Variants in SEMA4F observed in about 807,000 individuals in gnomAD.
SEMA4F encodes ssemaphorin 4F, also known as semaphorin-4F.
In SEMA4F, 51 loss-of-function variants were observed where a neutral mutation model predicts 78.4. That is an observed-to-expected ratio of 0.65 (90% CI 0.52 to 0.82). SEMA4F has a LOEUF of 0.82. Among genes scored for constraint, SEMA4F ranks in the 40% least tolerant of loss-of-function variants. The pLI, the probability that SEMA4F is intolerant of heterozygous loss-of-function variation, is 0.00. For synonymous variants in SEMA4F, 418 were observed against 408.7 expected (o/e 1.02, Z -0.27); for missense variants, 938 against 1,014.4 (o/e 0.92, Z 1.02).
intron 5 of SEMA4F, 100 bp downstream of exon 5, chr2:74,662,925 T>A: frequency 1.9e-6 from 2 of 1,059,024 alleles, no homozygotes; most frequent in South Asian, 1.3e-5. Context: ...TTGGAATGTC[T>A]ATTATTCTCA....
At chr2:74,684,044 A>C (rs527553405), downstream of SEMA4F, among the ~76,000 whole-genome samples, 1 of 151,868 alleles carries the variant, frequency 6.6e-6, no homozygotes, top group Admixed American at 6.6e-5. Context: ...TGCAGGAGTC[A>C]TCCCCCTAAT....
chr2:74,656,717 C>T (rs1397163314), intron 2 of SEMA4F, 32 bp downstream of exon 2: 2 of 1,608,034 alleles, frequency 1.2e-6, no homozygotes, highest in African/African-American at 1.3e-5. Context: ...GACCCCTGAC[C>T]CTGTAGCATG....
chr2:74,686,256 C>A (rs554151627), downstream of SEMA4F, among the ~76,000 whole-genome samples: 4 of 152,092 alleles, frequency 2.6e-5, no homozygotes, highest in African/African-American at 4.8e-5. Flanking sequence ...CCTACCACCA[C>A]GCCCGGCTAA....
At chr2:74,700,749 A>G in the SEMA4F span, among the ~76,000 whole-genome samples, 1 of 152,222 alleles carries the variant, frequency 6.6e-6, no homozygotes, top group Non-Finnish European at 1.5e-5. Flanking sequence ...CACTGGTTCC[A>G]GAGACCATGT....
Position 74,680,020 on chromosome 2 carries a change from G to A in SEMA4F, c.2124G>A (p.Gly708=), listed in dbSNP as rs748549658. The change falls in exon 14 of 14, where the codon GGG becomes GGA. Residue 708 remains glycine (G), a synonymous_variant. Coordinates refer to ENST00000357877, the MANE Select transcript of SEMA4F (RefSeq NM_004263.5). ...VGLDLGAPPS[G]TTSYSQDPPS... ...TGGACCTGGGGGCTCCACCTTCTGG[G>A]ACCACAAGCTACAGCCAAGACCCTC... is the stretch of plus-strand genomic sequence containing the variant. The A allele has an allele frequency of 2.5e-6, 4 of 1,614,058 alleles. No homozygotes were observed. Among genetic ancestry groups the A allele is most frequent in the Non-Finnish European group, 3.4e-6 (4 of 1,180,038 alleles).
chr2:74,699,118 T>C, the SEMA4F span, among the ~76,000 whole-genome samples: 6 of 152,172 alleles, frequency 3.9e-5, no homozygotes, highest in African/African-American at 7.2e-5. Context: ...CCCTGTCTTA[T>C]TGAGGGAGTT....
chr2:74,673,849 T>C, intron 7 of SEMA4F, 21 bp downstream of exon 7: 1 of 1,606,468 alleles, frequency 6.2e-7, no homozygotes, highest in Non-Finnish European at 8.5e-7. Context: ...ATCCCAGCTG[T>C]CTGTCTGTCA....
At chr2:74,697,475 C>T in the SEMA4F span, among the ~76,000 whole-genome samples, 41 of 152,118 alleles carry the variant, frequency 2.7e-4, no homozygotes, top group South Asian at 6.2e-4. Context: ...ATATGACTTC[C>T]GCTTGACAGA....
At chr2:74,693,896 T>C in the SEMA4F span, among the ~76,000 whole-genome samples, 1 of 152,206 alleles carries the variant, frequency 6.6e-6, no homozygotes, top group African/African-American at 2.4e-5. Flanking sequence ...TTTCCAGTCT[T>C]CTGCTGCAGT....
rs1159023886 is a variant in SEMA4F, at chr2:74,658,589, C to T, written c.456+638C>T. On this transcript the variant is annotated intron_variant, in intron 4 of 13. Transcript: ENST00000357877. The surrounding 1 kb of genome is among the most constrained non-coding windows in gnomAD (Gnocchi z 4.3). ...ATTGCTGCTGAAGGCCTGGACATCA[C>T]CAGCCTCAAACACAGGCAGGCTTGG... 1.3e-5 allele frequency among the ~76,000 whole-genome samples: 2 copies of T among 152,238 alleles called. No individual in the cohort carries two copies. Among genetic ancestry groups the T allele is most frequent in the African/African-American group, 4.8e-5 (2 of 41,460 alleles).
intron 5 of SEMA4F, among the ~76,000 whole-genome samples, chr2:74,672,869 A>G (rs946674556): frequency 3.9e-5 from 6 of 152,112 alleles, no homozygotes; most frequent in African/African-American, 1.4e-4. Context: ...GATTACTCTG[A>G]TTGCTTCTTC....
intron 5 of SEMA4F, among the ~76,000 whole-genome samples, chr2:74,671,330 G>T (rs1337951294): frequency 6.6e-6 from 1 of 152,186 alleles, no homozygotes; most frequent in Non-Finnish European, 1.5e-5. Context: ...TTACCTTTCT[G>T]GTGCCTGAGA....
chr2:74,654,273 C>G lies in SEMA4F; in HGVS notation c.-104C>G. The G allele has an allele frequency of 7.7e-7, 1 of 1,302,060 alleles. No homozygotes were observed. The highest frequency in any genetic ancestry group is 9.9e-7 in the Non-Finnish European group (1 of 1,010,998). 80.7% of individuals were successfully genotyped at this position (1,302,060 alleles called of 1,614,324 possible). A position where few individuals can be genotyped will look rare whatever the true frequency, so the allele number is the denominator to read the frequency against. ...TTTCATCCCTCAGCCTCAGGCTGAG[C>G]CGGACCGAGCCGAGAGGACCCGAGT... On this transcript the variant is annotated 5_prime_UTR_variant, in exon 1 of 14. Coordinates refer to ENST00000357877, the MANE Select transcript of SEMA4F (RefSeq NM_004263.5).
chr2:74,684,622 C>G (rs2105042804), downstream of SEMA4F, among the ~76,000 whole-genome samples: 1 of 152,248 alleles, frequency 6.6e-6, no homozygotes, highest in South Asian at 2.1e-4. Flanking sequence ...TGGAGAAGGG[C>G]TATGATAGCC....
the SEMA4F span, among the ~76,000 whole-genome samples, chr2:74,689,056 A>G: frequency 0.14 from 21,453 of 152,094 alleles, 2,684 homozygotes; most frequent in East Asian, 0.35. Context: ...GAAAGGCGCT[A>G]TTGTTAAGGT....
the SEMA4F span, among the ~76,000 whole-genome samples, chr2:74,706,985 A>G: frequency 2.6e-5 from 4 of 152,222 alleles, no homozygotes; most frequent in African/African-American, 9.6e-5. Flanking sequence ...ACCTGGAAGC[A>G]GAACAAGGCT....
At chr2:74,687,652 T>C (rs10183097), downstream of SEMA4F, among the ~76,000 whole-genome samples, 53,268 of 152,142 alleles carry the variant, frequency 0.35, 15,096 homozygotes, top group East Asian at 0.82. Flanking sequence ...TCAGTACTCC[T>C]GTAGGAGGCC....
chr2:74,671,136 GT>G (rs1337738402), intron 5 of SEMA4F, among the ~76,000 whole-genome samples: 1 of 152,128 alleles, frequency 6.6e-6, no homozygotes, highest in East Asian at 1.9e-4. Context: ...ATTAATACAA[GT>G]ACTAGTACTT....
the SEMA4F span, among the ~76,000 whole-genome samples, chr2:74,706,877 A>G: frequency 2.6e-5 from 4 of 152,120 alleles, no homozygotes; most frequent in Non-Finnish European, 4.4e-5. Context: ...AAAGAGCCAA[A>G]TGAGGAGAGG....
Sources: allele counts gnomAD v4.1 joint callset (sites outside exome capture counted in the v4.1 genomes callset), GRCh38; gene constraint gnomAD v4.1.1; non-coding constraint Gnocchi (gnomAD v3.1); transcripts MANE v1.5; gene names NCBI Gene and HGNC (gene_info 2026-07-23, HGNC 2026-07-21).